Variants in AACS observed in about 807,000 individuals in gnomAD.
AACS encodes acetoacetyl-CoA synthetase.
In AACS, 69 loss-of-function variants were observed where a neutral mutation model predicts 83.1. The observed-to-expected ratio is 0.83, with a 90% CI of 0.68 to 1.01. The LOEUF (loss-of-function observed/expected upper bound fraction) is 1.01, where lower values mean the gene tolerates loss of function less well. AACS is among the 50% of genes least tolerant of loss of function. The pLI is 0.00. For missense variants in AACS, 866 were observed against 882.2 expected (o/e 0.98, Z 0.23); for synonymous variants, 333 against 343.4 (o/e 0.97, Z 0.33).
intron 17 of AACS, chr12:125,138,686 C>T (rs1398866685): frequency 6.6e-6 from 1 of 152,194 alleles, no homozygotes; most frequent in East Asian, 1.9e-4. Flanking sequence ...GTCCAGGGCA[C>T]CCAGCTGGGC....
At chr12:125,072,217 G>A (rs927401788) in intron 1 of AACS, among the ~76,000 whole-genome samples, 2 of 151,736 alleles carry the variant, frequency 1.3e-5, no homozygotes, top group African/African-American at 2.4e-5. Flanking sequence ...GAGTGCAGTG[G>A]TGGGATCATA....
chr12:125,080,960 G>C, intron 3 of AACS, among the ~76,000 whole-genome samples: 1 of 151,316 alleles, frequency 6.6e-6, no homozygotes, highest in Admixed American at 6.6e-5. Flanking sequence ...CAAAGTGCTG[G>C]GATTACAGGC....
chr12:125,114,520 A>C lies in AACS; in HGVS notation c.959A>C (p.Asn320Thr). The part of the protein sequence containing the change: ...QHLKEHLLHG[N>T]MTSSDILLCY... ...CTGAAGGAGCACCTGCTGCACGGCA[A>C]CATGACCAGCAGTGACATCCTCCTG... The change falls in exon 9 of 18, where the codon AAC (asparagine) becomes ACC (threonine). Residue 320 changes from asparagine (N) to threonine (T), a missense_variant. Physicochemically the swap from Asn to Thr is moderately conservative, Grantham distance 65. Coordinates refer to ENST00000316519, the MANE Select transcript of AACS (RefSeq NM_023928.5). 1 of 1,613,498 alleles carries C rather than the reference A, an allele frequency of 6.2e-7. No individual in the cohort carries two copies. The highest frequency in any genetic ancestry group is 8.5e-7 in the Non-Finnish European group (1 of 1,179,750).
chr12:125,136,403 C>G (rs962583307), intron 16 of AACS, among the ~76,000 whole-genome samples: 1 of 152,088 alleles, frequency 6.6e-6, no homozygotes, highest in Non-Finnish European at 1.5e-5. Flanking sequence ...ACCTGGCTTC[C>G]TGGTAGAACA....
Position 125,129,524 on chromosome 12 carries a change from A to G in AACS, c.1549+64A>G. The G allele has an allele frequency of 6.4e-7, 1 of 1,567,984 alleles. No homozygotes were observed. Among genetic ancestry groups the G allele is most frequent in the South Asian group, 1.2e-5 (1 of 82,960 alleles). On this transcript the variant is annotated intron_variant, in intron 14 of 17. Transcript: ENST00000316519. This position sits in a 1 kb window ranked among gnomAD's most constrained non-coding sequence, Gnocchi z 4.3. ...GCCTTGGCTGGGCCTTCTGTGTCTA[A>G]TTCTGTACCATCGTGCCCCTCCCCT...
rs531233566 is a variant in AACS, at chr12:125,129,169, C to T, written c.1424-166C>T. 40 of 906,836 alleles carry T rather than the reference C, an allele frequency of 4.4e-5. No individual in the cohort carries two copies. Among genetic ancestry groups the T allele is most frequent in the African/African-American group, 1.0e-4 (6 of 57,528 alleles). The allele number at this position is 906,836 out of a possible 1,614,324, so 56.2% of individuals were successfully genotyped here. On this transcript the variant is annotated intron_variant, in intron 13 of 17. Coordinates refer to ENST00000316519, the MANE Select transcript of AACS (RefSeq NM_023928.5). The surrounding 1 kb of genome is among the most constrained non-coding windows in gnomAD (Gnocchi z 4.3). ...GGGAGGGGACTTCATCTGGGAGGAA[C>T]GCATTATTAGGCTGCTGTGACAGGT...
At chr12:125,079,491 C>G (rs920666443) in intron 3 of AACS, among the ~76,000 whole-genome samples, 1 of 152,156 alleles carries the variant, frequency 6.6e-6, no homozygotes, top group Non-Finnish European at 1.5e-5. Flanking sequence ...AAGCGATCCT[C>G]CCACCTTAGC....
chr12:125,083,536 G>A (rs545134500), intron 3 of AACS, among the ~76,000 whole-genome samples: 1 of 151,900 alleles, frequency 6.6e-6, no homozygotes, highest in East Asian at 1.9e-4. Context: ...GATAACGGGT[G>A]GTTGATCGTT....
chr12:125,078,179 G>A (rs988870924), intron 3 of AACS: 2 of 456,230 alleles, frequency 4.4e-6, no homozygotes, highest in Non-Finnish European at 8.8e-6. Flanking sequence ...TTCTGCCATC[G>A]TGGGAAGGAC....
At chr12:125,128,567 G>A (rs1266585608) in intron 13 of AACS, 4 of 242,122 alleles carry the variant, frequency 1.7e-5, no homozygotes, top group Admixed American at 5.4e-5. Flanking sequence ...CCCTGGTGCT[G>A]GATACACAGG....
intron 17 of AACS, chr12:125,138,277 T>C (rs1957428584): frequency 6.6e-6 from 1 of 152,292 alleles, no homozygotes; most frequent in Non-Finnish European, 1.5e-5. Flanking sequence ...CTTTGTGTTC[T>C]GGTTCTGCAT....
At chr12:125,095,598 G>T (rs891775043) in intron 5 of AACS, among the ~76,000 whole-genome samples, 1 of 152,116 alleles carries the variant, frequency 6.6e-6, no homozygotes, top group Non-Finnish European at 1.5e-5. Flanking sequence ...CCTGCCCCTG[G>T]GTGTTGATCT....
In AACS at chr12:125,097,899, C is replaced by T. The variant is rs566704343; in HGVS notation, c.571-4780C>T. On this transcript the variant is annotated intron_variant, in intron 5 of 17. Coordinates refer to ENST00000316519, the MANE Select transcript of AACS (RefSeq NM_023928.5). This position sits in a 1 kb window ranked among gnomAD's most constrained non-coding sequence, Gnocchi z 4.3. ...CGCCTCTCCACTGTCCTCCTTCATA[C>T]GTTTGATTGAGCGGTTCCTCGGTTC... Among the ~76,000 whole-genome samples the T allele has an allele frequency of 4.6e-5, 7 of 152,330 alleles. No homozygotes were observed. The highest frequency in any genetic ancestry group is 9.6e-5 in the African/African-American group (4 of 41,562).
At chr12:125,103,434 T>G (rs1018140377) in intron 7 of AACS, among the ~76,000 whole-genome samples, 5 of 134,986 alleles carry the variant, frequency 3.7e-5, no homozygotes, top group Middle Eastern at 6.7e-3. Flanking sequence ...GTGCATGCAC[T>G]GCACACGCAT....
intron 17 of AACS, among the ~76,000 whole-genome samples, chr12:125,137,443 A>G (rs1374671410): frequency 6.6e-6 from 1 of 152,178 alleles, no homozygotes; most frequent in African/African-American, 2.4e-5. Context: ...CAGCCTCCCA[A>G]AGTGCTGGGA....
At chr12:125,111,128 C>G (rs1024943506) in intron 8 of AACS, among the ~76,000 whole-genome samples, 1 of 152,118 alleles carries the variant, frequency 6.6e-6, no homozygotes, top group Non-Finnish European at 1.5e-5. Context: ...TTGCAGGCAG[C>G]GAGCTGTCCT....
chr12:125,125,125 G>T lies in AACS; in HGVS notation c.1309+101G>T, dbSNP rs530688008. On this transcript the variant is annotated intron_variant, in intron 12 of 17. Coordinates refer to ENST00000316519, the MANE Select transcript of AACS (RefSeq NM_023928.5). ...TGGATTCATCCCAAGGACACAGTCC[G>T]CTGGGCAGCCAATACGCACAGTCCC... 8.5e-6 allele frequency: 13 copies of T among 1,538,430 alleles called. No homozygotes were observed. In the African/African-American group the frequency reaches 1.1e-4, roughly 13 times the overall value.
In AACS at chr12:125,065,641, G is replaced by C. The variant is rs2136018985; in HGVS notation, c.57G>C (p.Trp19Cys). The C allele has an allele frequency of 6.5e-7, 1 of 1,545,648 alleles. No individual in the cohort carries two copies. Among genetic ancestry groups the C allele is most frequent in the East Asian group, 2.5e-5 (1 of 40,198 alleles). The change falls in exon 1 of 18, where the codon TGG (tryptophan) becomes TGC (cysteine). Residue 19 changes from tryptophan to cysteine, a missense_variant. Trp to Cys is a radical substitution (Grantham distance 215). Coordinates refer to ENST00000316519, the MANE Select transcript of AACS (RefSeq NM_023928.5). ...AGATCCTGGAGTGCCAGGTGATGTG[G>C]GAGCCTGACAGTAAGAAGAACACGC... ...REEILECQVM[W>C]EPDSKKNTQM...
intron 3 of AACS, 136 bp downstream of exon 3, chr12:125,076,747 T>C: frequency 7.2e-7 from 1 of 1,396,022 alleles, no homozygotes; most frequent in South Asian, 1.4e-5. Flanking sequence ...AAGATTTCTG[T>C]CGACTTTATT....
Sources: allele counts gnomAD v4.1 joint callset (sites outside exome capture counted in the v4.1 genomes callset), GRCh38; gene constraint gnomAD v4.1.1; non-coding constraint Gnocchi (gnomAD v3.1); transcripts MANE v1.5; gene names NCBI Gene and HGNC (gene_info 2026-07-23, HGNC 2026-07-21).